GIT2: variants seen among roughly 807,000 people sequenced by gnomAD.
GIT2 encodes ARF GTPase-activating protein GIT2.
GIT2 carries 32 observed loss-of-function variants against 100.3 expected under a neutral mutation model. The ratio of observed to expected loss-of-function variants is 0.32; its 90% CI spans 0.24 to 0.43. The LOEUF (loss-of-function observed/expected upper bound fraction) is 0.43, where lower values mean the gene tolerates loss of function less well. GIT2 is among the 20% of genes least tolerant of loss of function. GIT2 has a pLI of 1.00. For missense variants in GIT2, 737 were observed against 975.1 expected (o/e 0.76, Z 3.25); for synonymous variants, 353 against 364.1 (o/e 0.97, Z 0.35).
Position 109,948,631 on chromosome 12 carries a change from CTT to C in GIT2, c.1393-1129_1393-1128del, listed in dbSNP as rs1296682139. 7.0e-7 allele frequency: 1 copy of C among 1,427,772 alleles called. No individual in the cohort carries two copies. The highest frequency in any genetic ancestry group is 9.1e-7 in the Non-Finnish European group (1 of 1,099,668). The allele number at this position is 1,427,772 out of a possible 1,614,324, so 88.4% of individuals were successfully genotyped here. ...TGTGGTGTGAGTTCAGCTGTCTACTCTTTGACAGAGATTGTAAAATCTGACCA... is the reference window on the plus strand; with the variant it reads ...TGTGGTGTGAGTTCAGCTGTCTACTCTGACAGAGATTGTAAAATCTGACCA... On this transcript the variant is annotated intron_variant, in intron 14 of 19. Coordinates refer to ENST00000355312, the MANE Select transcript of GIT2 (RefSeq NM_057169.5). The surrounding 1 kb of genome is among the most constrained non-coding windows in gnomAD (Gnocchi z 4.3).
intron 7 of GIT2, among the ~76,000 whole-genome samples, chr12:109,980,666 G>C (rs1886142818): frequency 6.6e-6 from 1 of 152,104 alleles, no homozygotes; most frequent in African/African-American, 2.4e-5. Context: ...CCATGTTCAA[G>C]AACTGTGGTA....
chr12:109,946,428 C>G (rs1475065379), intron 15 of GIT2, among the ~76,000 whole-genome samples: 1 of 152,140 alleles, frequency 6.6e-6, no homozygotes, highest in Non-Finnish European at 1.5e-5. Context: ...AAGACAAATA[C>G]TACTCTCTGA....
At chr12:109,958,712 G>C (rs1880248356) in intron 12 of GIT2, among the ~76,000 whole-genome samples, 1 of 152,206 alleles carries the variant, frequency 6.6e-6, no homozygotes, top group African/African-American at 2.4e-5. Context: ...TGTCTTTGGG[G>C]AATGTGATAC....
intron 7 of GIT2, among the ~76,000 whole-genome samples, chr12:109,971,990 T>A (rs1290545722): frequency 7.1e-6 from 1 of 141,342 alleles, no homozygotes; most frequent in East Asian, 2.0e-4. Context: ...CAAGACTATC[T>A]CAAAAAAAAG....
chr12:109,959,824 T>C (rs774844218), intron 12 of GIT2, 23 bp downstream of exon 12: 19 of 1,399,246 alleles, frequency 1.4e-5, no homozygotes, highest in Non-Finnish European at 1.9e-5. Flanking sequence ...AAAATGCAAG[T>C]GTTTGGAGGT....
chr12:109,952,443 C>T (rs1878156631), intron 13 of GIT2: 2 of 514,856 alleles, frequency 3.9e-6, no homozygotes, highest in South Asian at 1.4e-5. Context: ...CAGAAGAGTC[C>T]TCCCCAGACA....
chr12:109,952,447 C>T, intron 13 of GIT2: 2 of 516,140 alleles, frequency 3.9e-6, no homozygotes, highest in Admixed American at 1.9e-5. Flanking sequence ...AGAGTCCTCC[C>T]CAGACATGGC....
In GIT2 at chr12:109,933,305, G is replaced by A. The variant is rs1872014727; in HGVS notation, c.2068-115C>T. The A allele has an allele frequency of 1.5e-6, 1 of 646,926 alleles. No homozygotes were observed. The highest frequency in any genetic ancestry group is 2.7e-5 in the East Asian group (1 of 36,490). 40.1% of individuals were successfully genotyped at this position (646,926 alleles called of 1,614,324 possible). A position where few individuals can be genotyped will look rare whatever the true frequency, so the allele number is the denominator to read the frequency against. ...GCTCCCCAGAGTGAAAGGCGGTTTG[G>A]TCCTGCCCTTTCTCAAAGGGGTGCT... On this transcript the variant is annotated intron_variant, in intron 19 of 19. Transcript: ENST00000355312. This position sits in a 1 kb window ranked among gnomAD's most constrained non-coding sequence, Gnocchi z 4.5.
Position 109,933,620 on chromosome 12 carries a change from G to T in GIT2, c.2067+402C>A. 1 of 204,118 alleles carries T rather than the reference G, an allele frequency of 4.9e-6. No homozygotes were observed. Among genetic ancestry groups the T allele is most frequent in the Non-Finnish European group, 1.0e-5 (1 of 100,056 alleles). 12.6% of individuals were successfully genotyped at this position (204,118 alleles called of 1,614,324 possible). A position where few individuals can be genotyped will look rare whatever the true frequency, so the allele number is the denominator to read the frequency against. ...TTTATTTTATTTTACTTTTTTTTGA[G>T]ACTTGAGTTTCACTCTTGTTGCCCA... On this transcript the variant is annotated intron_variant, in intron 19 of 19. Transcript: ENST00000355312. The surrounding 1 kb of genome is among the most constrained non-coding windows in gnomAD (Gnocchi z 4.5).
intron 12 of GIT2, among the ~76,000 whole-genome samples, chr12:109,958,183 A>T (rs937922235): frequency 2.0e-5 from 3 of 151,714 alleles, no homozygotes; most frequent in Non-Finnish European, 4.4e-5. Flanking sequence ...TGACCTCGTG[A>T]TCTGCCCACC....
At position 109,975,758 on chromosome 12, in the gene GIT2, A is replaced by G. The variant is rs189530208; in HGVS notation, c.718+5194T>C. 4.1e-5 allele frequency among the ~76,000 whole-genome samples: 6 copies of G among 145,778 alleles called. No individual in the cohort carries two copies. In the East Asian group the frequency reaches 1.2e-3, roughly 29 times the overall value. On this transcript the variant is annotated intron_variant, in intron 7 of 19. Transcript: ENST00000355312. ...ATTTACCTCTAGCATTTTTGATCACATATCTTTGTAGTCTTTTTTTTTTTT... is the reference window on the plus strand; with the variant it reads ...ATTTACCTCTAGCATTTTTGATCACGTATCTTTGTAGTCTTTTTTTTTTTT...
At chr12:109,990,892 C>A (rs1888237247) in intron 2 of GIT2, among the ~76,000 whole-genome samples, 2 of 152,156 alleles carry the variant, frequency 1.3e-5, no homozygotes, top group South Asian at 4.1e-4. Flanking sequence ...GAATCCCAGC[C>A]CATGCTGCTA....
In GIT2 at chr12:109,951,202, T is replaced by C. The variant is rs143307103; in HGVS notation, c.1357A>G (p.Asn453Asp). 1 of 1,613,918 alleles carries C rather than the reference T, an allele frequency of 6.2e-7. No individual in the cohort carries two copies. Among genetic ancestry groups the C allele is most frequent in the Admixed American group, 1.7e-5 (1 of 60,022 alleles). ...KIQQLMKVNN[N>D]LSDELRIMQK... ...ATAATTCTCAGCTCGTCACTCAAGT[T>C]GTTATTCACCTTCATTAGCTGCTGT... is the stretch of plus-strand genomic sequence containing the variant. Residue 453 changes from asparagine to aspartate, a missense_variant, in exon 14 of 20, where the codon AAC (asparagine) becomes GAC (aspartate). Asn to Asp is a conservative substitution (Grantham distance 23). Around this residue, in one of 3 missense-constraint regions of GIT2, gnomAD observed 451 missense variants for 543.7 expected, o/e 0.83. Transcript: ENST00000355312.
At chr12:109,977,831 A>AACAC (rs1455962125) in intron 7 of GIT2, among the ~76,000 whole-genome samples, 20 of 151,084 alleles carry the variant, frequency 1.3e-4, no homozygotes, top group Non-Finnish European at 2.1e-4. Flanking sequence ...CAAACAAACA[A>AACAC]AGTATTATTT....
At chr12:109,938,618 C>A in intron 17 of GIT2, 50 bp from the exon 18 acceptor site, 1 of 1,379,872 alleles carries the variant, frequency 7.2e-7, no homozygotes, top group Non-Finnish European at 9.9e-7. Flanking sequence ...TATCAGCTGC[C>A]CCTCTGCTTC....
chr12:109,947,347 T>C lies in GIT2; in HGVS notation c.1550A>G (p.Glu517Gly). 6.2e-7 allele frequency: 1 copy of C among 1,614,120 alleles called. No individual in the cohort carries two copies. Among genetic ancestry groups the C allele is most frequent in the Non-Finnish European group, 8.5e-7 (1 of 1,179,958 alleles). ...ATATGGTTTCTGACCTGATCCGGTCTCGTACATGGACATGGGCCTACTGCC... is the reference window on the plus strand; with the variant it reads ...ATATGGTTTCTGACCTGATCCGGTCCCGTACATGGACATGGGCCTACTGCC... ...ARGSRPMSMY[E>G]TGSGQKPYLP... The change falls in exon 15 of 20, where the codon GAG becomes GGG. Residue 517 changes from glutamate (E) to glycine (G), a missense_variant. Transcript: ENST00000355312. The surrounding 1 kb of genome is among the most constrained non-coding windows in gnomAD (Gnocchi z 4.3).
intron 18 of GIT2, among the ~76,000 whole-genome samples, chr12:109,936,823 C>T (rs1055386919): frequency 2.7e-5 from 4 of 150,650 alleles, no homozygotes; most frequent in Admixed American, 6.6e-5. Context: ...TGAGCAAGAT[C>T]GTGCCACTGC....
At chr12:109,978,085 T>G (rs1160313035) in intron 7 of GIT2, among the ~76,000 whole-genome samples, 2 of 128,660 alleles carry the variant, frequency 1.6e-5, no homozygotes, top group Admixed American at 1.4e-4. Flanking sequence ...GGTTTTTTTT[T>G]TTTTTTTTTT....
At chr12:109,992,439 GC>G (rs1182402322) in intron 1 of GIT2, among the ~76,000 whole-genome samples, 1 of 152,028 alleles carries the variant, frequency 6.6e-6, no homozygotes, top group African/African-American at 2.4e-5. Flanking sequence ...GAGCCACTGT[GC>G]CCGGCCAAGA....
Sources: gnomAD v4.1 joint callset for allele counts (sites outside exome capture counted in the v4.1 genomes callset) on GRCh38, gnomAD v4.1.1 for gene constraint, gnomAD v4.1.1 regional missense constraint, Gnocchi (gnomAD v3.1) non-coding constraint, MANE v1.5 for transcripts, NCBI Gene and HGNC (gene_info 2026-07-23, HGNC 2026-07-21) for gene names.